MPP3: variants seen among roughly 807,000 people sequenced by gnomAD.
MPP3 encodes the protein MAGUK p55 subfamily member 3.
In MPP3, 48 loss-of-function variants were observed where a neutral mutation model predicts 80.7. The ratio of observed to expected loss-of-function variants is 0.59; its 90% CI spans 0.47 to 0.76. MPP3 has a LOEUF of 0.76. MPP3 is among the 30% of genes least tolerant of loss of function. MPP3 has a pLI of 0.00. For missense variants in MPP3, 620 were observed against 763.0 expected (o/e 0.81, Z 2.21); for synonymous variants, 311 against 297.6 (o/e 1.04, Z -0.46).
chr17:43,817,001 C>T (rs1417065922), intron 12 of MPP3, among the ~76,000 whole-genome samples: 1 of 152,224 alleles, frequency 6.6e-6, no homozygotes, highest in Non-Finnish European at 1.5e-5. Context: ...TGTCAGGGGC[C>T]CAGGGAGCAG....
chr17:43,832,214 A>G (rs2045998778), intron 2 of MPP3: 1 of 472,072 alleles, frequency 2.1e-6, no homozygotes, highest in South Asian at 2.9e-5. Flanking sequence ...TTCCCATTTT[A>G]TTGATGAAGA....
chr17:43,832,112 G>T (rs2045993902), intron 2 of MPP3, 169 bp from the exon 3 acceptor site: 2 of 624,448 alleles, frequency 3.2e-6, no homozygotes, highest in Middle Eastern at 5.5e-4. Flanking sequence ...GCTAAGATGT[G>T]CTGAGTGTCC....
In MPP3 at chr17:43,814,284, C is replaced by T. The variant is rs1473904512; in HGVS notation, c.1087G>A (p.Ala363Thr). Residue 363 changes from alanine to threonine, a missense_variant, in exon 15 of 20, where the codon GCT becomes ACT. Ala to Thr is a moderately conservative substitution (Grantham distance 58). Transcript: ENST00000398389. ...GSQEGKMSSGAESPELLTYEE... is the reference protein window; with the variant it reads ...GSQEGKMSSGTESPELLTYEE... ...TAAGTCAGCAGCTCCGGAGACTCAG[C>T]TCCGGAGGACATCTTTCCTTCCTGC... 6.2e-7 allele frequency: 1 copy of T among 1,612,876 alleles called. No individual in the cohort carries two copies.
At chr17:43,818,410 G>A (rs2045261245) in intron 11 of MPP3, among the ~76,000 whole-genome samples, 1 of 152,102 alleles carries the variant, frequency 6.6e-6, no homozygotes, top group Admixed American at 6.5e-5. Context: ...ACTCTCCTAT[G>A]GCCAATTTCT....
rs534021050 is a variant in MPP3, at chr17:43,827,076, C to T, written c.523+675G>A. Among the ~76,000 whole-genome samples the T allele has an allele frequency of 2.4e-4, 37 of 152,032 alleles. No homozygotes were observed. The South Asian group carries it at 5.8e-3, about 24-fold the overall frequency. On this transcript the variant is annotated intron_variant, in intron 8 of 19. Coordinates refer to ENST00000398389, the MANE Select transcript of MPP3 (RefSeq NM_001932.6). ...TGTTGCCCAGGCGGGAGCGCAATGG[C>T]GCGATCTCGGCTCACTGCAACCTCC...
At chr17:43,828,141 A>G (rs544439317) in intron 7 of MPP3, among the ~76,000 whole-genome samples, 32 of 151,150 alleles carry the variant, frequency 2.1e-4, no homozygotes, top group African/African-American at 7.9e-4. Flanking sequence ...CAAATCCAGT[A>G]AGTTCTCCAT....
rs111821286 is a variant in MPP3 at position 43,823,911 on chromosome 17, G to A, written c.684+20C>T. On this transcript the variant is annotated intron_variant, in intron 10 of 19. Transcript: ENST00000398389. Reference sequence around the variant, plus strand: ...ATCTCTCAAGCTGAGAGAGGGCACCGCGGACCCACCTCCCCATACCTTGCT... The same window carrying A: ...ATCTCTCAAGCTGAGAGAGGGCACCACGGACCCACCTCCCCATACCTTGCT... 162 of 1,595,976 alleles carry A rather than the reference G, an allele frequency of 1.0e-4. No individual in the cohort carries two copies. The African/African-American group carries it at 1.2e-3, about 11-fold the overall frequency.
chr17:43,830,324 G>T (rs1051685133), intron 5 of MPP3, among the ~76,000 whole-genome samples: 1 of 152,192 alleles, frequency 6.6e-6, no homozygotes, highest in Non-Finnish European at 1.5e-5. Flanking sequence ...TAAGCCCTAC[G>T]TGCTTTCTGC....
intron 19 of MPP3, among the ~76,000 whole-genome samples, chr17:43,808,741 G>A (rs985145485): frequency 2.6e-5 from 4 of 152,240 alleles, no homozygotes; most frequent in Non-Finnish European, 5.9e-5. Flanking sequence ...CCACCTGCCT[G>A]GTTTGGGAGG....
Position 43,811,215 on chromosome 17 carries a change from AAAG to A in MPP3, c.1256-13_1256-11del. On this transcript the variant is annotated splice_polypyrimidine_tract_variant and intron_variant, in intron 16 of 19. Transcript: ENST00000398389. ...CGGGGCCTGGTGGTATCTTTTAAAG[AAAG>A]AAGGAAAGCTGGGCAAAGAGATGTC... is the stretch of plus-strand genomic sequence containing the variant. 1 of 1,608,208 alleles carries A rather than the reference AAAG, an allele frequency of 6.2e-7. No individual in the cohort carries two copies. The highest frequency in any genetic ancestry group is 1.3e-5 in the African/African-American group (1 of 74,916).
chr17:43,816,050 C>T lies in MPP3; in HGVS notation c.997G>A (p.Gly333Arg). The T allele has an allele frequency of 2.7e-6, 4 of 1,506,858 alleles. No individual in the cohort carries two copies. Among genetic ancestry groups the T allele is most frequent in the Non-Finnish European group, 1.8e-6 (2 of 1,133,228 alleles). The allele number at this position is 1,506,858 out of a possible 1,614,324, so 93.3% of individuals were successfully genotyped here. ...GGGAGCTACTTACCCACATAGTGCC[C>T]TTTGAGGTAGCCCTCACAGTCACAG... ...ETCDCEGYLK[G>R]HYVAGLRRSF... Residue 333 changes from glycine to arginine, a missense_variant, in exon 14 of 20, where the codon GGG becomes AGG. By Grantham distance (125) the Gly-to-Arg change is moderately radical. Coordinates refer to ENST00000398389, the MANE Select transcript of MPP3 (RefSeq NM_001932.6).
intron 3 of MPP3, 77 bp downstream of exon 3, chr17:43,831,805 C>A: frequency 1.3e-6 from 2 of 1,492,908 alleles, no homozygotes; most frequent in South Asian, 2.5e-5. Flanking sequence ...CAGGCTCTCA[C>A]TGCCAGGGCC....
intron 10 of MPP3, among the ~76,000 whole-genome samples, chr17:43,821,565 A>T (rs939799366): frequency 1.3e-5 from 2 of 152,228 alleles, no homozygotes; most frequent in African/African-American, 2.4e-5. Context: ...TTCAGTGGGT[A>T]ATTGACACCC....
chr17:43,832,481 A>G (rs1365606430), intron 2 of MPP3, among the ~76,000 whole-genome samples: 1 of 152,118 alleles, frequency 6.6e-6, no homozygotes, highest in African/African-American at 2.4e-5. Flanking sequence ...GGGAGCCTCC[A>G]GACTGGAGTG....
chr17:43,809,220 A>C (rs1407989779), intron 18 of MPP3, 142 bp from the exon 19 acceptor site: 1 of 857,106 alleles, frequency 1.2e-6, no homozygotes, highest in Non-Finnish European at 1.7e-6. Context: ...ATGACAATGG[A>C]CTTCAACTGG....
rs1265682417 is a variant in MPP3, at chr17:43,801,312, C to G, written c.*389G>C. 1 of 157,856 alleles carries G rather than the reference C, an allele frequency of 6.3e-6. No homozygotes were observed. Among genetic ancestry groups the G allele is most frequent in the African/African-American group, 2.4e-5 (1 of 41,550 alleles). 9.8% of individuals were successfully genotyped at this position (157,856 alleles called of 1,614,324 possible). A position where few individuals can be genotyped will look rare whatever the true frequency, so the allele number is the denominator to read the frequency against. ...CCCTTGGATAAAACAAGTTAGCTTC[C>G]AAAAAAACTACTAAGCGTCACTATG... is the stretch of plus-strand genomic sequence containing the variant. On this transcript the variant is annotated 3_prime_UTR_variant, in exon 20 of 20. Coordinates refer to ENST00000398389, the MANE Select transcript of MPP3 (RefSeq NM_001932.6).
intron 14 of MPP3, chr17:43,815,785 T>C (rs1488754338): frequency 3.0e-6 from 2 of 676,534 alleles, no homozygotes; most frequent in East Asian, 2.8e-5. Flanking sequence ...TTGGTATTAA[T>C]GTAGGGGTGT....
rs2044827762 is a variant in MPP3 at position 43,810,923 on chromosome 17, A to G, written c.1350-8T>C. The G allele has an allele frequency of 6.3e-7, 1 of 1,590,870 alleles. No individual in the cohort carries two copies. Among genetic ancestry groups the G allele is most frequent in the Admixed American group, 1.8e-5 (1 of 55,412 alleles). ...TCACCATGTTCCAGGAACCTAAAACACCACCAAAGGGGAAAAGGCCTTTAG... is the reference window on the plus strand; with the variant it reads ...TCACCATGTTCCAGGAACCTAAAACGCCACCAAAGGGGAAAAGGCCTTTAG... On this transcript the variant is annotated splice_region_variant and splice_polypyrimidine_tract_variant and intron_variant, in intron 17 of 19. Transcript: ENST00000398389.
At chr17:43,824,480 T>C (rs2143047372) in intron 9 of MPP3, among the ~76,000 whole-genome samples, 1 of 152,280 alleles carries the variant, frequency 6.6e-6, no homozygotes, top group South Asian at 2.1e-4. Context: ...CCCTCTTTGC[T>C]TCCATCTCCC....
Sources: allele counts gnomAD v4.1 joint callset (sites outside exome capture counted in the v4.1 genomes callset), GRCh38; gene constraint gnomAD v4.1.1; transcripts MANE v1.5; gene names NCBI Gene and HGNC (gene_info 2026-07-23, HGNC 2026-07-21).